The following CDK6 variants were observed in gnomAD, a reference collection of about 807,000 sequenced individuals.
The protein encoded by CDK6 is cyclin dependent kinase 6.
In CDK6, 6 loss-of-function variants were observed where a neutral mutation model predicts 37.1. The observed-to-expected ratio is 0.16, with a 90% CI of 0.09 to 0.32. CDK6 has a LOEUF of 0.32. CDK6 is among the 10% of genes least tolerant of loss of function. CDK6 has a pLI of 1.00. For synonymous variants in CDK6, 160 were observed against 161.3 expected (o/e 0.99, Z 0.06); for missense variants, 224 against 418.9 (o/e 0.53, Z 4.06).
intron 4 of CDK6, among the ~76,000 whole-genome samples, chr7:92,688,479 C>CT (rs1797516887): frequency 6.6e-6 from 1 of 151,686 alleles, no homozygotes; most frequent in Non-Finnish European, 1.5e-5. Context: ...AAATATTAGG[C>CT]TTTTTTTCTG....
intron 4 of CDK6, among the ~76,000 whole-genome samples, chr7:92,693,215 G>A (rs932648155): frequency 3.3e-5 from 5 of 152,086 alleles, no homozygotes; most frequent in Non-Finnish European, 5.9e-5. Flanking sequence ...GTATAAATAG[G>A]AGGTATTTGT....
chr7:92,683,062 C>T (rs962004455), intron 4 of CDK6, among the ~76,000 whole-genome samples: 9 of 152,174 alleles, frequency 5.9e-5, no homozygotes, highest in African/African-American at 1.7e-4. Flanking sequence ...TACATTTGAT[C>T]TCCCTCTGCT....
intron 4 of CDK6, among the ~76,000 whole-genome samples, chr7:92,722,534 C>T (rs748766257): frequency 4.6e-5 from 7 of 152,198 alleles, no homozygotes; most frequent in Non-Finnish European, 7.3e-5. Context: ...ATTTTGAACA[C>T]AGATATGTGC....
intron 5 of CDK6, among the ~76,000 whole-genome samples, chr7:92,642,416 T>C (rs760280922): frequency 3.3e-5 from 5 of 152,150 alleles, no homozygotes; most frequent in Admixed American, 6.5e-5. Context: ...CACTGTGACC[T>C]CAGTTCATGC....
chr7:92,825,128 A>G (rs570673356), intron 2 of CDK6, among the ~76,000 whole-genome samples: 4 of 152,242 alleles, frequency 2.6e-5, no homozygotes, highest in Admixed American at 2.6e-4. Context: ...TGCAGACCAC[A>G]TACCATTTTT....
chr7:92,757,950 T>A (rs1219012663), intron 3 of CDK6, among the ~76,000 whole-genome samples: 3 of 152,226 alleles, frequency 2.0e-5, no homozygotes, highest in Non-Finnish European at 4.4e-5. Flanking sequence ...CACATGTATA[T>A]CATCTTTTGA....
chr7:92,718,102 T>C (rs1301830314), intron 4 of CDK6, among the ~76,000 whole-genome samples: 1 of 152,194 alleles, frequency 6.6e-6, no homozygotes, highest in Non-Finnish European at 1.5e-5. Context: ...CTGCCCCCAT[T>C]GTGTTCCACT....
intron 4 of CDK6, among the ~76,000 whole-genome samples, chr7:92,707,447 T>C (rs1296468558): frequency 2.0e-5 from 3 of 152,176 alleles, no homozygotes; most frequent in Non-Finnish European, 4.4e-5. Context: ...GCAATGTTTT[T>C]CAAAAAAATT....
chr7:92,788,072 T>C (rs972121070), intron 2 of CDK6, among the ~76,000 whole-genome samples: 2 of 152,186 alleles, frequency 1.3e-5, no homozygotes, highest in Non-Finnish European at 2.9e-5. Flanking sequence ...TTGGAGAAGC[T>C]GGAAAAACTG....
At chr7:92,686,582 T>G (rs1415110797) in intron 4 of CDK6, among the ~76,000 whole-genome samples, 1 of 152,196 alleles carries the variant, frequency 6.6e-6, no homozygotes, top group Non-Finnish European at 1.5e-5. Context: ...TGAACTGTGC[T>G]GCTATAACAT....
intron 2 of CDK6, among the ~76,000 whole-genome samples, chr7:92,811,407 G>A (rs777558644): frequency 5.3e-5 from 8 of 152,012 alleles, no homozygotes; most frequent in Non-Finnish European, 1.0e-4. Flanking sequence ...CCTCCTTACC[G>A]TGTGTAAAAA....
intron 6 of CDK6, among the ~76,000 whole-genome samples, chr7:92,619,665 G>A (rs1209843219): frequency 2.0e-5 from 3 of 151,708 alleles, no homozygotes; most frequent in Admixed American, 2.0e-4. Context: ...CGGAGCCCAG[G>A]CCATAGACTT....
At position 92,757,748 on chromosome 7, in the gene CDK6, T is replaced by C. The variant is rs534886987; in HGVS notation, c.369+16948A>G. ...ACCGCCACACTGATTTCCACAATGG[T>C]TGAACTAATTTACACTCCCACCAAC... On this transcript the variant is annotated intron_variant, in intron 3 of 7. Coordinates refer to ENST00000424848, the MANE Select transcript of CDK6 (RefSeq NM_001145306.2). Among the ~76,000 whole-genome samples, 4 of 152,310 alleles carry C rather than the reference T, an allele frequency of 2.6e-5. No homozygotes were observed. The South Asian group carries it at 6.2e-4, about 24-fold the overall frequency.
rs533837000 is a variant in CDK6 at position 92,625,678 on chromosome 7, C to T, written c.648-2592G>A. Reference sequence around the variant, plus strand: ...TATATGCCTTTTTAAAAAAACAACTCAAAAATGCATAGATATCATTTGTAA... The same window carrying T: ...TATATGCCTTTTTAAAAAAACAACTTAAAAATGCATAGATATCATTTGTAA... On this transcript the variant is annotated intron_variant, in intron 5 of 7. Transcript: ENST00000424848. Among the ~76,000 whole-genome samples, 10 of 151,966 alleles carry T rather than the reference C, an allele frequency of 6.6e-5. No homozygotes were observed. The South Asian group carries it at 8.3e-4, about 13-fold the overall frequency.
At chr7:92,816,609 A>G (rs1377913405) in intron 2 of CDK6, among the ~76,000 whole-genome samples, 2 of 152,128 alleles carry the variant, frequency 1.3e-5, no homozygotes, top group African/African-American at 4.8e-5. Context: ...GCCACAACAT[A>G]TTCAAATTTG....
At chr7:92,650,898 T>C (rs111266615) in intron 5 of CDK6, among the ~76,000 whole-genome samples, 174 of 146,896 alleles carry the variant, frequency 1.2e-3, no homozygotes, top group African/African-American at 3.7e-3. Context: ...TTCTCTCTCT[T>C]TTTTTTTTTT....
chr7:92,690,833 A>C (rs1010187139), intron 4 of CDK6, among the ~76,000 whole-genome samples: 1 of 152,214 alleles, frequency 6.6e-6, no homozygotes, highest in Non-Finnish European at 1.5e-5. Flanking sequence ...TTTGCATTAA[A>C]AATGAAAGTA....
At position 92,833,186 on chromosome 7, in the gene CDK6, C is replaced by G; in HGVS notation, c.138G>C (p.Arg46=). The change falls in exon 2 of 8, where the codon CGG becomes CGC. Residue 46 remains arginine, a synonymous_variant. Coordinates refer to ENST00000424848, the MANE Select transcript of CDK6 (RefSeq NM_001145306.2). This position sits in a 1 kb window ranked among gnomAD's most constrained non-coding sequence, Gnocchi z 6.1. The stretch of plus-strand genomic sequence containing the variant: ...GCATGCCCTCCTCGCCGGTCTGCAC[C>G]CGCACGCGCTTCAACGCCACGAAAC... ...GGRFVALKRV[R]VQTGEEGMPL... The G allele has an allele frequency of 6.2e-7, 1 of 1,609,494 alleles. No individual in the cohort carries two copies. The highest frequency in any genetic ancestry group is 1.7e-4 in the Middle Eastern group (1 of 6,056).
chr7:92,614,543 G>A lies in CDK6; in HGVS notation c.*597C>T, dbSNP rs1001403465. 1 of 233,384 alleles carries A rather than the reference G, an allele frequency of 4.3e-6. No individual in the cohort carries two copies. Among genetic ancestry groups the A allele is most frequent in the Non-Finnish European group, 8.5e-6 (1 of 118,106 alleles). 14.5% of individuals were successfully genotyped at this position (233,384 alleles called of 1,614,324 possible). ...GCCAGAAAAGAAATGCTGAGGACAT[G>A]GGGTTAACTTTCTAATTTGAGAAGA... On this transcript the variant is annotated 3_prime_UTR_variant, in exon 8 of 8. Coordinates refer to ENST00000424848, the MANE Select transcript of CDK6 (RefSeq NM_001145306.2).
Sources: allele counts gnomAD v4.1 joint callset (sites outside exome capture counted in the v4.1 genomes callset), GRCh38; gene constraint gnomAD v4.1.1; non-coding constraint Gnocchi (gnomAD v3.1); transcripts MANE v1.5; gene names NCBI Gene and HGNC (gene_info 2026-07-23, HGNC 2026-07-21).